COL9A1: variants seen among roughly 807,000 people sequenced by gnomAD.
The protein encoded by COL9A1 is collagen type IX alpha 1 chain.
A neutral mutation model predicts 142.6 loss-of-function variants in COL9A1; 104 were observed. The ratio of observed to expected loss-of-function variants is 0.73; its 90% CI spans 0.62 to 0.86. COL9A1 has a LOEUF of 0.86. Among genes scored for constraint, COL9A1 ranks in the 40% least tolerant of loss-of-function variants. COL9A1 has a pLI of 0.00. For missense variants in COL9A1, 1,210 were observed against 1,176.6 expected, an observed-to-expected ratio of 1.03 and a Z score of -0.42; for synonymous variants, 466 against 396.0, an observed-to-expected ratio of 1.18 and a Z score of -2.10.
At position 70,234,804 on chromosome 6, in the gene COL9A1, T is replaced by C. The variant is rs137958247; in HGVS notation, c.2249A>G (p.Gln750Arg). Reference protein sequence around the residue: ...EQGATGLPGVQGPPGRAPTDQ... With the variant: ...EQGATGLPGVRGPPGRAPTDQ... ...CTGCCCACCACTCACCGGAGGGCCC[T>C]GGACACCAGGCAGGCCGGTGGCACC... Residue 750 changes from glutamine (Q) to arginine (R), a missense_variant, in exon 34 of 38, where the codon CAG becomes CGG. Physicochemically the swap from Gln to Arg is conservative, Grantham distance 43. Transcript: ENST00000357250. 1.2e-6 allele frequency: 2 copies of C among 1,613,970 alleles called. No individual in the cohort carries two copies. Among genetic ancestry groups the C allele is most frequent in the African/African-American group, 2.7e-5 (2 of 74,918 alleles).
chr6:70,296,617 A>C (rs1773859385), intron 4 of COL9A1, among the ~76,000 whole-genome samples: 1 of 152,142 alleles, frequency 6.6e-6, no homozygotes, highest in African/African-American at 2.4e-5. Flanking sequence ...AAGATTCACT[A>C]TTCACAATAA....
chr6:70,274,119 A>G (rs774639909), intron 11 of COL9A1, 37 bp from the exon 12 acceptor site: 7 of 1,487,542 alleles, frequency 4.7e-6, no homozygotes, highest in African/African-American at 1.4e-5. Flanking sequence ...CTGACCTTTC[A>G]TATCATGAAT....
Position 70,262,874 on chromosome 6 carries a change from T to C in COL9A1, c.1395+370A>G, listed in dbSNP as rs181327061. ...ACATTAATCCAATAAATGATATACC[T>C]ACTGCATATTTAGAACACACAAAAT... On this transcript the variant is annotated intron_variant, in intron 19 of 37. Coordinates refer to ENST00000357250, the MANE Select transcript of COL9A1 (RefSeq NM_001851.6). Among the ~76,000 whole-genome samples, 505 of 152,360 alleles carry C rather than the reference T, an allele frequency of 3.3e-3. 1 individual carries two copies. The highest frequency in any genetic ancestry group is 0.01 in the Middle Eastern group (3 of 294).
chr6:70,271,997 A>G, intron 13 of COL9A1, 68 bp downstream of exon 13: 1 of 1,458,818 alleles, frequency 6.9e-7, no homozygotes, highest in Non-Finnish European at 9.6e-7. Flanking sequence ...TAGGAGAATA[A>G]GGTGGGGATT....
Position 70,256,796 on chromosome 6 carries a change from G to A in COL9A1, c.1475C>T (p.Pro492Leu). Residue 492 changes from proline to leucine, a missense_variant, in exon 21 of 38, where the codon CCT becomes CTT. Coordinates refer to ENST00000357250, the MANE Select transcript of COL9A1 (RefSeq NM_001851.6). ...TGCACCAGGAAGACCCTGAGGCCCAGGTTCACCATCTAAGCCCCGAGCACC... is the reference window on the plus strand; with the variant it reads ...TGCACCAGGAAGACCCTGAGGCCCAAGTTCACCATCTAAGCCCCGAGCACC... Reference protein sequence around the residue: ...EKGARGLDGEPGPQGLPGAPG... With the variant: ...EKGARGLDGELGPQGLPGAPG... 2 of 1,613,318 alleles carry A rather than the reference G, an allele frequency of 1.2e-6. No homozygotes were observed. The highest frequency in any genetic ancestry group is 1.7e-6 in the Non-Finnish European group (2 of 1,179,878).
intron 28 of COL9A1, among the ~76,000 whole-genome samples, chr6:70,247,853 A>G (rs1770699642): frequency 6.6e-6 from 1 of 152,208 alleles, no homozygotes; most frequent in African/African-American, 2.4e-5. Flanking sequence ...TTCACAAATT[A>G]TTGACAGAGG....
intron 31 of COL9A1, among the ~76,000 whole-genome samples, chr6:70,241,047 AG>A (rs1175450415): frequency 6.6e-6 from 1 of 152,202 alleles, no homozygotes; most frequent in Non-Finnish European, 1.5e-5. Flanking sequence ...GAAAGGACTG[AG>A]TCTAATTCAT....
chr6:70,280,428 A>G (rs1750075738), intron 10 of COL9A1: 3 of 1,199,816 alleles, frequency 2.5e-6, no homozygotes, highest in Non-Finnish European at 3.1e-6. Flanking sequence ...AGCTTCCAGG[A>G]GCCTGCCAGT....
At chr6:70,237,772 G>A (rs540677232) in intron 33 of COL9A1, among the ~76,000 whole-genome samples, 34 of 152,166 alleles carry the variant, frequency 2.2e-4, no homozygotes, top group Non-Finnish European at 4.4e-4. Context: ...CTTGAAACTT[G>A]AGACATAGTG....
intron 30 of COL9A1, among the ~76,000 whole-genome samples, 180 bp downstream of exon 30, chr6:70,241,784 A>G (rs1285922705): frequency 6.6e-6 from 1 of 152,222 alleles, no homozygotes; most frequent in Non-Finnish European, 1.5e-5. Flanking sequence ...CTGTTAAATT[A>G]TATTAATAGA....
chr6:70,216,870 GCAGA>G lies in COL9A1; in HGVS notation c.*23_*26del, dbSNP rs779371541. The G allele has an allele frequency of 1.2e-6, 2 of 1,612,856 alleles. No homozygotes were observed. Among genetic ancestry groups the G allele is most frequent in the Non-Finnish European group, 8.5e-7 (1 of 1,179,580 alleles). The stretch of plus-strand genomic sequence containing the variant: ...GGCTCCTTCACCAGGCGTGGTTCAT[GCAGA>G]CAGCCATGCAGCAGTAAGCCTTTCA... On this transcript the variant is annotated 3_prime_UTR_variant, in exon 38 of 38. Transcript: ENST00000357250.
chr6:70,216,978 A>C lies in COL9A1; in HGVS notation c.2685T>G (p.Pro895=). Residue 895 remains proline (P), a synonymous_variant, in exon 38 of 38, where the codon CCT becomes CCG. Coordinates refer to ENST00000357250, the MANE Select transcript of COL9A1 (RefSeq NM_001851.6). ...IPGVPGPPGP[P]GLPGFCEPAS... ...CTGGCTCACAGAAACCGGGAAGCCC[A>C]GGAGGTCCCGGGGGTCCAGGCACTC... is the stretch of plus-strand genomic sequence containing the variant. 1 of 1,614,108 alleles carries C rather than the reference A, an allele frequency of 6.2e-7. No individual in the cohort carries two copies. Among genetic ancestry groups the C allele is most frequent in the Non-Finnish European group, 8.5e-7 (1 of 1,179,988 alleles).
chr6:70,232,752 A>C lies in COL9A1; in HGVS notation c.2334T>G (p.Ala778=). The C allele has an allele frequency of 2.5e-6, 4 of 1,613,354 alleles. No individual in the cohort carries two copies. The highest frequency in any genetic ancestry group is 3.4e-6 in the Non-Finnish European group (4 of 1,179,694). Residue 778 remains alanine (A), a synonymous_variant, in exon 36 of 38, where the codon GCT becomes GCG. Coordinates refer to ENST00000357250, the MANE Select transcript of COL9A1 (RefSeq NM_001851.6). The part of the protein sequence containing the change: ...RVIQEHFAEM[A]ASLKRPDSGA... Reference sequence around the variant, plus strand: ...CTGAGTCTGGACGCTTAAGACTGGCAGCCATCTCAGCAAAATGTTCTAAAA... The same window carrying C: ...CTGAGTCTGGACGCTTAAGACTGGCCGCCATCTCAGCAAAATGTTCTAAAA...
At chr6:70,254,338 G>T in intron 25 of COL9A1, 138 bp downstream of exon 25, 1 of 710,092 alleles carries the variant, frequency 1.4e-6, no homozygotes, top group Non-Finnish European at 2.3e-6. Flanking sequence ...AAATACAAAT[G>T]TAAATTGTAA....
chr6:70,267,122 T>A (rs1033572633), intron 17 of COL9A1, among the ~76,000 whole-genome samples: 1 of 152,160 alleles, frequency 6.6e-6, no homozygotes, highest in African/African-American at 2.4e-5. Context: ...TCCGGTAACT[T>A]AACCTTTCAG....
At chr6:70,278,938 T>TTG (rs2127595510) in intron 10 of COL9A1, among the ~76,000 whole-genome samples, 1 of 152,324 alleles carries the variant, frequency 6.6e-6, no homozygotes, top group African/African-American at 2.4e-5. Flanking sequence ...AAAAGCACTA[T>TTG]TAAATTGGGG....
At chr6:70,241,547 A>T in intron 30 of COL9A1, 93 bp from the exon 31 acceptor site, 1 of 1,033,516 alleles carries the variant, frequency 9.7e-7, no homozygotes, top group Non-Finnish European at 1.5e-6. Flanking sequence ...AAGCACAAGT[A>T]CGGATAATGT....
chr6:70,229,365 G>T (rs1256691511), intron 36 of COL9A1, among the ~76,000 whole-genome samples: 2 of 152,066 alleles, frequency 1.3e-5, no homozygotes, highest in Non-Finnish European at 1.5e-5. Flanking sequence ...TGCATAAAGA[G>T]CTTGTAAAAT....
intron 29 of COL9A1, 144 bp downstream of exon 29, chr6:70,242,518 T>G (rs1770327153): frequency 1.3e-6 from 1 of 795,446 alleles, no homozygotes; most frequent in Admixed American, 2.0e-5. Context: ...AATTTGAAAT[T>G]TCCCCTTTAC....
Sources: gnomAD v4.1 joint callset for allele counts (sites outside exome capture counted in the v4.1 genomes callset) on GRCh38, gnomAD v4.1.1 for gene constraint, MANE v1.5 for transcripts, NCBI Gene and HGNC (gene_info 2026-07-23, HGNC 2026-07-21) for gene names.